OVCH1: variants seen among roughly 807,000 people sequenced by gnomAD.
The protein encoded by OVCH1 is ovochymase-1.
Under a neutral mutation model 138.4 loss-of-function variants are expected in OVCH1, and 139 were observed. The observed-to-expected ratio is 1.00, with a 90% confidence interval of 0.87 to 1.16. OVCH1 has a LOEUF of 1.16. Among genes scored for constraint, OVCH1 ranks in the 50% most tolerant of loss-of-function variants. The probability of loss-of-function intolerance (pLI) is 0.00; values close to 1 mark genes in which losing one functional copy is unlikely to be tolerated. For synonymous variants in OVCH1, 453 were observed against 467.8 expected, an observed-to-expected ratio of 0.97 and a Z score of 0.41; for missense variants, 1,367 against 1,357.9, an observed-to-expected ratio of 1.01 and a Z score of -0.11.
intron 12 of OVCH1, among the ~76,000 whole-genome samples, chr12:29,476,799 AC>A (rs1942747528): frequency 2.0e-5 from 1 of 50,244 alleles, no homozygotes; most frequent in Admixed American, 2.1e-4. Context: ...ACACACACAC[AC>A]ACACACAGGT....
chr12:29,496,160 T>C (rs1228044862), intron 3 of OVCH1, 21 bp downstream of exon 3: 4 of 1,574,964 alleles, frequency 2.5e-6, no homozygotes, highest in Non-Finnish European at 8.7e-7. Flanking sequence ...GCCTGACAAG[T>C]AATGGAAATC....
intron 8 of OVCH1, among the ~76,000 whole-genome samples, chr12:29,481,154 C>T (rs1330527527): frequency 6.6e-6 from 1 of 151,894 alleles, no homozygotes; most frequent in Non-Finnish European, 1.5e-5. Context: ...AGTTCAAATT[C>T]TCAAATAATT....
At chr12:29,440,615 C>A in intron 25 of OVCH1, 1 of 412,906 alleles carries the variant, frequency 2.4e-6, no homozygotes, top group Non-Finnish European at 4.8e-6. Context: ...AACAGGTGTT[C>A]TGTAGGGCAA....
chr12:29,448,161 TCCTAGATCCTTGG>T (rs1941670064), intron 22 of OVCH1, among the ~76,000 whole-genome samples: 1 of 146,314 alleles, frequency 6.8e-6, no homozygotes, highest in Non-Finnish European at 1.5e-5. Context: ...GGAGCAGGCA[TCCTAGATCCTTGG>T]CATGTGCAAT....
chr12:29,477,589 T>G, intron 9 of OVCH1, 111 bp from the exon 11 acceptor site: 1 of 1,613,154 alleles, frequency 6.2e-7, no homozygotes, highest in Non-Finnish European at 8.5e-7. Flanking sequence ...CTAAACACAC[T>G]AAACTATTTA....
At chr12:29,441,118 T>C (rs900645512) in intron 25 of OVCH1, among the ~76,000 whole-genome samples, 1 of 152,172 alleles carries the variant, frequency 6.6e-6, no homozygotes, top group Non-Finnish European at 1.5e-5. Flanking sequence ...GAAATGTTGG[T>C]TGACCACCCA....
downstream of OVCH1, among the ~76,000 whole-genome samples, chr12:29,411,136 A>T (rs557905643): frequency 2.0e-5 from 2 of 98,016 alleles, no homozygotes; most frequent in African/African-American, 2.8e-5. Flanking sequence ...GTAGTTCTCG[A>T]GCCTTGGCTT....
At chr12:29,497,254 C>A (rs1004301746) in intron 1 of OVCH1, among the ~76,000 whole-genome samples, 6 of 147,856 alleles carry the variant, frequency 4.1e-5, no homozygotes, top group African/African-American at 1.6e-4. Flanking sequence ...AGAGCCAGAC[C>A]CTGTCTCAAA....
chr12:29,428,433 CA>C (rs1219044921), intron 27 of OVCH1, among the ~76,000 whole-genome samples: 1 of 152,184 alleles, frequency 6.6e-6, no homozygotes, highest in East Asian at 1.9e-4. Context: ...TCCCTCTCTG[CA>C]ATGAGTGCAA....
At chr12:29,494,937 A>C (rs1362699332) in intron 4 of OVCH1, among the ~76,000 whole-genome samples, 2 of 152,232 alleles carry the variant, frequency 1.3e-5, no homozygotes, top group African/African-American at 4.8e-5. Flanking sequence ...ATATACAAAA[A>C]GATAAATATT....
chr12:29,443,806 G>A (rs979301446), intron 24 of OVCH1, among the ~76,000 whole-genome samples: 2 of 152,084 alleles, frequency 1.3e-5, no homozygotes, highest in Admixed American at 1.3e-4. Context: ...GCCAGAATTT[G>A]CCCCAAACTC....
At chr12:29,480,949 A>G (rs1214240798) in intron 8 of OVCH1, among the ~76,000 whole-genome samples, 1 of 152,162 alleles carries the variant, frequency 6.6e-6, no homozygotes, top group Non-Finnish European at 1.5e-5. Context: ...TAAAATTAGA[A>G]TGCATCTTAC....
chr12:29,443,493 A>T, exon 25 of OVCH1: 1 of 1,599,642 alleles, frequency 6.3e-7, no homozygotes, highest in Non-Finnish European at 8.5e-7. Flanking sequence ...ACTAATCTCC[A>T]TTGGCAACTA....
At chr12:29,439,546 A>T in intron 25 of OVCH1, 1 of 1,273,964 alleles carries the variant, frequency 7.8e-7, no homozygotes, top group South Asian at 2.0e-5. Context: ...CTCTACTACA[A>T]CTACTGCTAC....
chr12:29,446,960 TAAAC>T (rs137930687), intron 22 of OVCH1, among the ~76,000 whole-genome samples: 9,508 of 151,644 alleles, frequency 0.063, 868 homozygotes, highest in African/African-American at 0.21. Flanking sequence ...ATTAACATAA[TAAAC>T]AACACAAAAG....
intron 3 of OVCH1, among the ~76,000 whole-genome samples, chr12:29,413,387 C>T (rs1255982179): frequency 6.6e-6 from 1 of 152,128 alleles, no homozygotes; most frequent in Admixed American, 6.5e-5. Flanking sequence ...TCTAGGACAT[C>T]ACCTTGTTGA....
exon 25 of OVCH1, chr12:29,443,481 C>T (rs777829934): frequency 1.2e-6 from 2 of 1,602,046 alleles, no homozygotes; most frequent in East Asian, 4.5e-5. Context: ...TTTAAAGGGG[C>T]TACTAATCTC....
intron 25 of OVCH1, 115 bp from the exon 26 acceptor site, chr12:29,440,859 C>A: frequency 2.3e-6 from 1 of 428,560 alleles, no homozygotes. Context: ...TCTGAGAGGA[C>A]CCTACCTGCA....
chr12:29,469,071 C>T (rs1390961236), intron 16 of OVCH1, among the ~76,000 whole-genome samples: 5 of 152,162 alleles, frequency 3.3e-5, no homozygotes, highest in African/African-American at 1.2e-4. Flanking sequence ...TCTGAAAGAG[C>T]TCACAATGGC....
Sources: allele counts gnomAD v4.1 joint callset (sites outside exome capture counted in the v4.1 genomes callset), GRCh38; gene constraint gnomAD v4.1.1; transcripts MANE v1.5; gene names NCBI Gene and HGNC (gene_info 2026-07-23, HGNC 2026-07-21).